Variants in PRRC2C observed in about 807,000 individuals in gnomAD.
PRRC2C encodes proline rich coiled-coil 2C, also known as protein PRRC2C.
In PRRC2C, 72 loss-of-function variants were observed where a neutral mutation model predicts 317.2. That is an observed-to-expected ratio of 0.23 (90% confidence interval 0.19 to 0.28). The LOEUF is 0.28. Ranked by LOEUF, PRRC2C falls within the 10% of genes least tolerant of loss-of-function variation. PRRC2C has a pLI of 1.00. For missense variants in PRRC2C, 3,074 were observed against 3,459.7 expected (o/e 0.89, Z 2.80); for synonymous variants, 1,296 against 1,205.9 (o/e 1.07, Z -1.55).
In PRRC2C at chr1:171,545,558, C is replaced by G. The variant is rs1212550546; in HGVS notation, c.4843C>G (p.Pro1615Ala). Residue 1615 changes from proline to alanine, a missense_variant, in exon 17 of 35, where the codon CCT (proline) becomes GCT (alanine). Physicochemically the swap from Pro to Ala is conservative, Grantham distance 27. Transcript: ENST00000647382. Reference protein sequence around the residue: ...GSSAHHQEGVPNGTGQKNSKD... With the variant: ...GSSAHHQEGVANGTGQKNSKD... ...CTCTGCACACCATCAGGAAGGAGTA[C>G]CTAATGGTACAGGACAAAAGAACTC... is the stretch of plus-strand genomic sequence containing the variant. The G allele has an allele frequency of 6.2e-7, 1 of 1,603,308 alleles. No individual in the cohort carries two copies.
Position 171,517,580 on chromosome 1 carries a change from C to T in PRRC2C, c.527-11C>T, listed in dbSNP as rs1178344259. 1 of 1,602,690 alleles carries T rather than the reference C, an allele frequency of 6.2e-7. No individual in the cohort carries two copies. The highest frequency in any genetic ancestry group is 8.5e-7 in the Non-Finnish European group (1 of 1,173,060). ...TTTATCTTTTTCCTTTTTTCTCTGC[C>T]TTCATACTAGATGTTGCTTGTTGGA... On this transcript the variant is annotated splice_polypyrimidine_tract_variant and intron_variant, in intron 5 of 34. Transcript: ENST00000647382.
chr1:171,589,244 T>C, intron 33 of PRRC2C, 125 bp from the exon 34 acceptor site: 3 of 422,442 alleles, frequency 7.1e-6, no homozygotes, highest in Non-Finnish European at 1.2e-5. Context: ...ATCTGTACAC[T>C]TCCTTTCACT....
At chr1:171,525,721 G>A (rs1674437351) in intron 10 of PRRC2C, among the ~76,000 whole-genome samples, 1 of 152,150 alleles carries the variant, frequency 6.6e-6, no homozygotes, top group Non-Finnish European at 1.5e-5. Context: ...TTCATTTAAG[G>A]TAGAAGGCTG....
chr1:171,593,321 A>C lies in PRRC2C; in HGVS notation c.*1474A>C, dbSNP rs555932860. On this transcript the variant is annotated 3_prime_UTR_variant, in exon 35 of 35. Coordinates refer to ENST00000647382, the MANE Select transcript of PRRC2C (RefSeq NM_001387844.1). ...TTTGGAAACTTTAGCTGTGCTGTCA[A>C]CTTTGGAAAAAGTATCCCGGTTTAC... The C allele has an allele frequency of 2.7e-5, 4 of 150,752 alleles. No homozygotes were observed. The East Asian group carries it at 7.7e-4, about 29-fold the overall frequency. 9.3% of individuals were successfully genotyped at this position (150,752 alleles called of 1,614,324 possible). A position where few individuals can be genotyped will look rare whatever the true frequency, so the allele number is the denominator to read the frequency against.
chr1:171,557,183 T>C, intron 18 of PRRC2C, 57 bp from the exon 19 acceptor site: 2 of 1,475,070 alleles, frequency 1.4e-6, no homozygotes, highest in Non-Finnish European at 1.8e-6. Context: ...GTTGCATTTA[T>C]GAACTGTTGC....
intron 24 of PRRC2C, among the ~76,000 whole-genome samples, chr1:171,573,642 C>T (rs1379385317): frequency 6.9e-6 from 1 of 145,002 alleles, no homozygotes; most frequent in Non-Finnish European, 1.5e-5. Context: ...TAAAGGAAGG[C>T]AGGGTAAAAT....
At chr1:171,524,035 CAA>C (rs56110485) in intron 9 of PRRC2C, among the ~76,000 whole-genome samples, 1 of 143,798 alleles carries the variant, frequency 7.0e-6, no homozygotes, top group African/African-American at 2.6e-5. Context: ...GACTGTATCT[CAA>C]AAAAAAAAAA....
chr1:171,509,490 G>A (rs977863359), intron 1 of PRRC2C: 3 of 152,120 alleles, frequency 2.0e-5, no homozygotes, highest in African/African-American at 4.8e-5. Context: ...AATGGAATGA[G>A]AAGAAAGATA....
chr1:171,528,817 G>A lies in PRRC2C; in HGVS notation c.1254+973G>A, dbSNP rs559495189. Reference sequence around the variant, plus strand: ...ATTTCTCTATCCTTCTTTTGTATATGCATATATTTTTAGAGACAGGGTCTT... The same window carrying A: ...ATTTCTCTATCCTTCTTTTGTATATACATATATTTTTAGAGACAGGGTCTT... On this transcript the variant is annotated intron_variant, in intron 11 of 34. Coordinates refer to ENST00000647382, the MANE Select transcript of PRRC2C (RefSeq NM_001387844.1). Among the ~76,000 whole-genome samples, 91 of 151,854 alleles carry A rather than the reference G, an allele frequency of 6.0e-4. No individual in the cohort carries two copies. In the Middle Eastern group the frequency reaches 0.024, roughly 40 times the overall value.
intron 6 of PRRC2C, among the ~76,000 whole-genome samples, chr1:171,520,775 G>A (rs1401947748): frequency 1.4e-5 from 2 of 142,706 alleles, no homozygotes; most frequent in African/African-American, 5.2e-5. Flanking sequence ...GCTTCAACCT[G>A]ACTTAAGAGA....
At chr1:171,550,909 A>G (rs1399237511) in intron 18 of PRRC2C, among the ~76,000 whole-genome samples, 1 of 152,126 alleles carries the variant, frequency 6.6e-6, no homozygotes, top group Non-Finnish European at 1.5e-5. Flanking sequence ...GCTATTGTGA[A>G]TAGTGCCACG....
intron 6 of PRRC2C, among the ~76,000 whole-genome samples, chr1:171,519,812 A>C (rs1236861209): frequency 6.6e-6 from 1 of 152,180 alleles, no homozygotes; most frequent in Non-Finnish European, 1.5e-5. Context: ...TGTTGATTTT[A>C]TTTAAAAATA....
intron 30 of PRRC2C, 91 bp downstream of exon 30, chr1:171,584,617 T>C (rs1649431301): frequency 7.2e-6 from 10 of 1,389,534 alleles, no homozygotes; most frequent in Non-Finnish European, 9.7e-6. Flanking sequence ...TGAACCAAGA[T>C]GCAAGATGGA....
intron 11 of PRRC2C, among the ~76,000 whole-genome samples, chr1:171,529,669 A>T (rs1675400423): frequency 6.6e-6 from 1 of 152,156 alleles, no homozygotes; most frequent in African/African-American, 2.4e-5. Context: ...CTGCCTGCTC[A>T]CTTGCCACCT....
At chr1:171,487,237 A>G (rs1159541006) in intron 1 of PRRC2C, among the ~76,000 whole-genome samples, 3 of 152,146 alleles carry the variant, frequency 2.0e-5, no homozygotes, top group Non-Finnish European at 4.4e-5. Flanking sequence ...CCCATTTTAC[A>G]GATGAGGAAA....
chr1:171,557,541 C>T lies in PRRC2C; in HGVS notation c.5429C>T (p.Pro1810Leu), dbSNP rs1681693693. ...CCAGTTCCAGCCTCACCCTTAGCTC[C>T]AGTTTCAGCCTCAGCCTCAGTCTCA... ...SAPVPASPLA[P>L]VSASASVSAS... The change falls in exon 19 of 35, where the codon CCA (proline) becomes CTA (leucine). Residue 1810 changes from proline (P) to leucine (L), a missense_variant. By Grantham distance (98) the Pro-to-Leu change is moderately conservative. Around this residue, in one of 11 missense-constraint regions of PRRC2C, gnomAD observed 640 missense variants for 676.1 expected, o/e 0.95. Transcript: ENST00000647382. 6.4e-7 allele frequency: 1 copy of T among 1,551,646 alleles called. No individual in the cohort carries two copies. Among genetic ancestry groups the T allele is most frequent in the Non-Finnish European group, 8.7e-7 (1 of 1,146,978 alleles).
rs11546355 is a variant in PRRC2C at position 171,532,666 on chromosome 1, A to G, written c.1578A>G (p.Glu526=). Residue 526 remains glutamate (E), a synonymous_variant, in exon 12 of 35, where the codon GAA becomes GAG. Coordinates refer to ENST00000647382, the MANE Select transcript of PRRC2C (RefSeq NM_001387844.1). ...AGAAAGAACTTGAAAAAGAACAAGAACAGGAGCGAGAGAAGGAGAGGGAAA... is the reference window on the plus strand; with the variant it reads ...AGAAAGAACTTGAAAAAGAACAAGAGCAGGAGCGAGAGAAGGAGAGGGAAA... The part of the protein sequence containing the change: ...EREKELEKEQ[E]QEREKEREKD... 1 of 1,551,736 alleles carries G rather than the reference A, an allele frequency of 6.4e-7. No homozygotes were observed.
rs559530250 is a variant in PRRC2C, at chr1:171,587,572, C to T, written c.7969-76C>T. 21 of 1,011,866 alleles carry T rather than the reference C, an allele frequency of 2.1e-5. 1 individual carries two copies. The Admixed American group carries it at 2.8e-4, about 14-fold the overall frequency. 62.7% of individuals were successfully genotyped at this position (1,011,866 alleles called of 1,614,324 possible). A position where few individuals can be genotyped will look rare whatever the true frequency, so the allele number is the denominator to read the frequency against. ...TGCCCTTTCCTAGATTACGTCTTCA[C>T]GTATAGGACATGTAAACACAGCACT... On this transcript the variant is annotated intron_variant, in intron 31 of 34. Coordinates refer to ENST00000647382, the MANE Select transcript of PRRC2C (RefSeq NM_001387844.1).
rs996659524 is a variant in PRRC2C at position 171,535,313 on chromosome 1, G to A, written c.1874-115G>A. On this transcript the variant is annotated intron_variant, in intron 12 of 34. Transcript: ENST00000647382. ...AAAGTAGAAAATAATGTTTTAGAGT[G>A]TCGAGGATATTTTCTTCCTCATTAA... is the stretch of plus-strand genomic sequence containing the variant. The A allele has an allele frequency of 5.9e-5, 50 of 843,728 alleles. No homozygotes were observed. In the African/African-American group the frequency reaches 8.3e-4, roughly 14 times the overall value. The allele number at this position is 843,728 out of a possible 1,614,324, so 52.3% of individuals were successfully genotyped here.
Sources: allele counts gnomAD v4.1 joint callset (sites outside exome capture counted in the v4.1 genomes callset), GRCh38; gene constraint gnomAD v4.1.1; regional missense constraint gnomAD v4.1.1; transcripts MANE v1.5; gene names NCBI Gene and HGNC (gene_info 2026-07-23, HGNC 2026-07-21).